SAMD5: variants seen among roughly 807,000 people sequenced by gnomAD.
SAMD5 encodes sterile alpha motif domain containing 5, also known as sterile alpha motif domain-containing protein 5.
A neutral mutation model predicts 11.3 loss-of-function variants in SAMD5; 13 were observed. The ratio of observed to expected loss-of-function variants is 1.15; its 90% confidence interval spans 0.75 to 1.83. The LOEUF is 1.83. Ranked by LOEUF, SAMD5 falls within the 40% of genes most tolerant of loss-of-function variation. The pLI, the probability that SAMD5 is intolerant of heterozygous loss-of-function variation, is 0.00. For synonymous variants in SAMD5, 129 were observed against 111.3 expected (o/e 1.16, Z -1.00); for missense variants, 255 against 239.1 (o/e 1.07, Z -0.44).
chr6:147,752,304 G>A, the SAMD5 span, among the ~76,000 whole-genome samples: 21 of 152,066 alleles, frequency 1.4e-4, no homozygotes, highest in Admixed American at 2.0e-4. Context: ...TAACGCAATC[G>A]TGTTTCATTG....
the SAMD5 span, among the ~76,000 whole-genome samples, chr6:147,819,218 A>G: frequency 6.6e-6 from 1 of 152,224 alleles, no homozygotes; most frequent in Non-Finnish European, 1.5e-5. Context: ...TTAGCAAACT[A>G]ACACAGGAAA....
chr6:147,597,760 C>T (rs376956673), intron 1 of SAMD5, among the ~76,000 whole-genome samples: 36 of 152,346 alleles, frequency 2.4e-4, no homozygotes, highest in South Asian at 2.3e-3. Flanking sequence ...TTCAAACTCA[C>T]GTGAGCCCCA....
the SAMD5 span, among the ~76,000 whole-genome samples, chr6:147,946,881 T>A: frequency 6.6e-6 from 1 of 152,230 alleles, no homozygotes; most frequent in Non-Finnish European, 1.5e-5. Flanking sequence ...ATATTTTGGA[T>A]CACAGTTAAC....
At chr6:147,849,094 A>G in the SAMD5 span, among the ~76,000 whole-genome samples, 1 of 151,252 alleles carries the variant, frequency 6.6e-6, no homozygotes, top group Non-Finnish European at 1.5e-5. Flanking sequence ...ATTCTCTGTA[A>G]TGGTTTCTTT....
At chr6:147,827,891 G>C in the SAMD5 span, among the ~76,000 whole-genome samples, 2 of 151,620 alleles carry the variant, frequency 1.3e-5, no homozygotes, top group African/African-American at 4.8e-5. Flanking sequence ...CCGGGTTCAC[G>C]CCATTCTCCT....
the SAMD5 span, among the ~76,000 whole-genome samples, chr6:147,924,071 A>G: frequency 2.6e-5 from 4 of 152,094 alleles, no homozygotes; most frequent in Non-Finnish European, 4.4e-5. Flanking sequence ...TCCCTTCCCC[A>G]TATACCTGTG....
At chr6:147,745,648 C>A in the SAMD5 span, among the ~76,000 whole-genome samples, 1 of 152,196 alleles carries the variant, frequency 6.6e-6, no homozygotes, top group Non-Finnish European at 1.5e-5. Context: ...TCACAAAGTG[C>A]ACACTGTCCA....
chr6:147,608,035 G>C (rs1159214411), intron 1 of SAMD5, among the ~76,000 whole-genome samples: 1 of 152,074 alleles, frequency 6.6e-6, no homozygotes, highest in Non-Finnish European at 1.5e-5. Context: ...CACATAAAAA[G>C]GTGCTTAACA....
the SAMD5 span, among the ~76,000 whole-genome samples, chr6:147,940,108 G>T: frequency 2.0e-5 from 3 of 152,072 alleles, no homozygotes; most frequent in Admixed American, 6.6e-5. Flanking sequence ...AAGATTTTCT[G>T]TGGGTAAAGT....
intron 1 of SAMD5, among the ~76,000 whole-genome samples, chr6:147,610,568 A>T (rs577547868): frequency 5.3e-5 from 8 of 152,340 alleles, no homozygotes; most frequent in African/African-American, 1.9e-4. Context: ...ACTTTTGGAC[A>T]TGACAAAGTA....
intron 1 of SAMD5, among the ~76,000 whole-genome samples, chr6:147,728,567 A>G (rs963649933): frequency 6.6e-6 from 1 of 152,204 alleles, no homozygotes; most frequent in Admixed American, 6.5e-5. Flanking sequence ...AATTCAGAGG[A>G]ACATAGAACC....
the SAMD5 span, among the ~76,000 whole-genome samples, chr6:147,947,200 T>A: frequency 6.6e-6 from 1 of 152,190 alleles, no homozygotes; most frequent in African/African-American, 2.4e-5. Context: ...CCCCTTTTGC[T>A]TGCCTGTGGT....
chr6:147,552,749 G>A (rs950263087), intron 1 of SAMD5, among the ~76,000 whole-genome samples: 1 of 152,164 alleles, frequency 6.6e-6, no homozygotes, highest in African/African-American at 2.4e-5. Flanking sequence ...CGCAGTCTGT[G>A]TTTTTAAAAA....
intron 1 of SAMD5, among the ~76,000 whole-genome samples, chr6:147,522,806 G>A (rs1374881796): frequency 6.6e-6 from 1 of 152,186 alleles, no homozygotes; most frequent in Non-Finnish European, 1.5e-5. Flanking sequence ...AGCAATAGAA[G>A]TGGGGCATGG....
intron 1 of SAMD5, among the ~76,000 whole-genome samples, chr6:147,528,360 G>A (rs543729094): frequency 6.6e-5 from 10 of 152,228 alleles, no homozygotes; most frequent in African/African-American, 2.2e-4. Context: ...CTGAGGCCAC[G>A]TGCCCCAGCT....
At chr6:147,558,669 G>A (rs2128443847) in intron 1 of SAMD5, among the ~76,000 whole-genome samples, 1 of 151,956 alleles carries the variant, frequency 6.6e-6, no homozygotes, top group African/African-American at 2.4e-5. Context: ...TGGCCCATCA[G>A]AACTGAGAAG....
the SAMD5 span, among the ~76,000 whole-genome samples, chr6:147,893,128 G>T: frequency 6.6e-6 from 1 of 151,866 alleles, no homozygotes; most frequent in East Asian, 1.9e-4. Flanking sequence ...CTTGAACCTG[G>T]GAGGCAGAGG....
chr6:147,522,869 G>A (rs929381558), intron 1 of SAMD5, among the ~76,000 whole-genome samples: 1 of 152,156 alleles, frequency 6.6e-6, no homozygotes, highest in African/African-American at 2.4e-5. Context: ...TGTGGGTAAA[G>A]GTTTCCTTTT....
Position 147,712,590 on chromosome 6 carries a change from A to G in SAMD5, c.163-24727A>G, listed in dbSNP as rs1161483584. On this transcript the variant is annotated intron_variant, in intron 1 of 1. Transcript: ENST00000566741. The stretch of plus-strand genomic sequence containing the variant: ...TGGAGGTGGGGCCTTTGGGAGACAA[A>G]TAAGTTGAGATAGCATCTTGAGGGT... Among the ~76,000 whole-genome samples the G allele has an allele frequency of 5.3e-5, 8 of 152,266 alleles. No homozygotes were observed. The East Asian group carries it at 1.5e-3, about 29-fold the overall frequency.
Sources: allele counts gnomAD v4.1 joint callset (sites outside exome capture counted in the v4.1 genomes callset), GRCh38; gene constraint gnomAD v4.1.1; transcripts MANE v1.5; gene names NCBI Gene and HGNC (gene_info 2026-07-23, HGNC 2026-07-21).